Variants in GNB4 observed in about 807,000 individuals in gnomAD.
The protein encoded by GNB4 is G protein subunit beta 4.
In GNB4, 28 loss-of-function variants were observed where a neutral mutation model predicts 45.2. The observed-to-expected ratio is 0.62, with a 90% confidence interval of 0.46 to 0.85. GNB4 has a LOEUF of 0.85. GNB4 is among the 40% of genes least tolerant of loss of function. The pLI, the probability that GNB4 is intolerant of heterozygous loss-of-function variation, is 0.00. For synonymous variants in GNB4, 132 were observed against 143.7 expected, an observed-to-expected ratio of 0.92 and a Z score of 0.58; for missense variants, 321 against 425.4, an observed-to-expected ratio of 0.75 and a Z score of 2.16.
upstream of GNB4, among the ~76,000 whole-genome samples, chr3:179,452,218 GTT>G (rs11291709): frequency 0.17 from 24,749 of 147,096 alleles, 2,174 homozygotes; most frequent in South Asian, 0.23. Context: ...TCTCAATCGA[GTT>G]TTTTTTTTTT....
At chr3:179,409,791 A>T (rs1714591910) in intron 8 of GNB4, among the ~76,000 whole-genome samples, 1 of 149,344 alleles carries the variant, frequency 6.7e-6, no homozygotes, top group South Asian at 2.1e-4. Context: ...GCCTCGCAAC[A>T]GAGCAAGACT....
intron 1 of GNB4, among the ~76,000 whole-genome samples, chr3:179,445,337 T>G (rs1045715330): frequency 6.6e-6 from 1 of 152,100 alleles, no homozygotes; most frequent in Non-Finnish European, 1.5e-5. Flanking sequence ...CAGGCTGGAG[T>G]GCAGTGGCAT....
chr3:179,427,946 A>G (rs556828826), intron 1 of GNB4, among the ~76,000 whole-genome samples: 89 of 152,228 alleles, frequency 5.8e-4, no homozygotes, highest in Non-Finnish European at 1.0e-3. Context: ...ACCCAAGCCT[A>G]TAACTTTTTA....
the GNB4 span, among the ~76,000 whole-genome samples, chr3:179,498,497 C>T: frequency 3.3e-5 from 5 of 152,108 alleles, no homozygotes; most frequent in African/African-American, 7.2e-5. Flanking sequence ...AGTGCAGTGG[C>T]GCGATCTCGG....
At chr3:179,444,013 T>C (rs1439397713) in intron 1 of GNB4, among the ~76,000 whole-genome samples, 2 of 152,214 alleles carry the variant, frequency 1.3e-5, no homozygotes, top group Non-Finnish European at 2.9e-5. Flanking sequence ...CTATCACATA[T>C]ACCAAGACTG....
At chr3:179,429,228 T>C (rs1354539645) in intron 1 of GNB4, among the ~76,000 whole-genome samples, 5 of 152,208 alleles carry the variant, frequency 3.3e-5, no homozygotes, top group Admixed American at 1.3e-4. Flanking sequence ...TTCTATTTAC[T>C]GTAAAAGGGG....
the GNB4 span, chr3:179,464,798 A>G: frequency 2.2e-6 from 3 of 1,344,782 alleles, no homozygotes; most frequent in East Asian, 2.3e-5. Flanking sequence ...TTCTCCAGAC[A>G]AGGATGCTGA....
chr3:179,501,524 C>T, the GNB4 span, among the ~76,000 whole-genome samples: 1 of 146,702 alleles, frequency 6.8e-6, no homozygotes, highest in African/African-American at 2.5e-5. Flanking sequence ...GGCATTTTGT[C>T]GTGTTGCCCA....
At chr3:179,467,692 T>C in the GNB4 span, among the ~76,000 whole-genome samples, 2 of 152,138 alleles carry the variant, frequency 1.3e-5, no homozygotes, top group African/African-American at 4.8e-5. Context: ...AGGCACATAG[T>C]AGGCATTAAA....
Position 179,441,693 on chromosome 3 carries a change from A to C in GNB4, c.-43+9653T>G, listed in dbSNP as rs969342534. On this transcript the variant is annotated intron_variant, in intron 1 of 9. Transcript: ENST00000232564. ...TTTGAACCCGGGAGGCAGAGGTTGC[A>C]GTGAGCCAAAATCACACTACTGCAC... Among the ~76,000 whole-genome samples, 7 of 151,096 alleles carry C rather than the reference A, an allele frequency of 4.6e-5. No individual in the cohort carries two copies. In the East Asian group the frequency reaches 1.4e-3, roughly 30 times the overall value.
At chr3:179,444,259 T>C (rs1048587335) in intron 1 of GNB4, among the ~76,000 whole-genome samples, 4 of 152,166 alleles carry the variant, frequency 2.6e-5, no homozygotes, top group African/African-American at 9.7e-5. Flanking sequence ...CCTGGTGATA[T>C]ATTCAATAAT....
the GNB4 span, chr3:179,464,265 C>T: frequency 2.1e-6 from 1 of 482,376 alleles, no homozygotes; most frequent in South Asian, 2.2e-5. Context: ...TCAAGAGCTG[C>T]CTAGGCAACA....
chr3:179,408,329 CAT>C (rs1251699891), intron 8 of GNB4, among the ~76,000 whole-genome samples: 2 of 152,072 alleles, frequency 1.3e-5, no homozygotes, highest in African/African-American at 4.8e-5. Flanking sequence ...ACAGAAAAGA[CAT>C]ATGAAGGCAA....
the GNB4 span, among the ~76,000 whole-genome samples, chr3:179,505,580 T>C: frequency 6.6e-6 from 1 of 152,238 alleles, no homozygotes; most frequent in African/African-American, 2.4e-5. Context: ...AATTTAGAGC[T>C]GAGGTGGATT....
chr3:179,443,028 C>A (rs1040868009), intron 1 of GNB4, among the ~76,000 whole-genome samples: 9 of 152,102 alleles, frequency 5.9e-5, no homozygotes, highest in Non-Finnish European at 1.5e-5. Flanking sequence ...TGGTTACATA[C>A]AAAAATTTTA....
chr3:179,412,413 G>A (rs927464198), intron 8 of GNB4, among the ~76,000 whole-genome samples: 3 of 152,072 alleles, frequency 2.0e-5, no homozygotes, highest in Non-Finnish European at 2.9e-5. Context: ...AGGAGTTCAA[G>A]GCTGCTGTGA....
intron 1 of GNB4, among the ~76,000 whole-genome samples, chr3:179,432,202 T>C (rs1715328346): frequency 6.6e-6 from 1 of 152,210 alleles, no homozygotes; most frequent in African/African-American, 2.4e-5. Flanking sequence ...GTTGCTAAGC[T>C]GCAAAATCAG....
chr3:179,421,045 AT>A (rs1012805775), intron 2 of GNB4, 118 bp from the exon 3 acceptor site: 7 of 625,342 alleles, frequency 1.1e-5, no homozygotes, highest in South Asian at 2.0e-5. Context: ...ATCTTTAAAA[AT>A]TTTTTTAATT....
the GNB4 span, among the ~76,000 whole-genome samples, chr3:179,494,275 AAG>A: frequency 3.2e-4 from 47 of 147,864 alleles, no homozygotes; most frequent in African/African-American, 1.0e-3. Context: ...GAAAGAAAGA[AAG>A]AGAAAGAAAG....
Sources: allele counts gnomAD v4.1 joint callset (sites outside exome capture counted in the v4.1 genomes callset), GRCh38; gene constraint gnomAD v4.1.1; transcripts MANE v1.5; gene names NCBI Gene and HGNC (gene_info 2026-07-23, HGNC 2026-07-21).